Variants in CAST observed in about 807,000 individuals in gnomAD.
CAST encodes the protein calpastatin.
Under a neutral mutation model 119.6 loss-of-function variants are expected in CAST, and 76 were observed. The observed-to-expected ratio is 0.64, with a 90% CI of 0.53 to 0.77. The LOEUF (loss-of-function observed/expected upper bound fraction) is 0.77, where lower values mean the gene tolerates loss of function less well. Among genes scored for constraint, CAST ranks in the 30% least tolerant of loss-of-function variants. The probability of loss-of-function intolerance (pLI) is 0.00; values close to 1 mark genes in which losing one functional copy is unlikely to be tolerated. For synonymous variants in CAST, 319 were observed against 331.6 expected (o/e 0.96, Z 0.41); for missense variants, 953 against 946.5 (o/e 1.01, Z -0.09).
chr5:96,412,752 G>T, the CAST span, among the ~76,000 whole-genome samples: 469 of 71,806 alleles, frequency 6.5e-3, 12 homozygotes, highest in African/African-American at 0.034. Context: ...CAGCTGTGAT[G>T]TTTTTTTTTT....
chr5:96,436,930 G>C, the CAST span, among the ~76,000 whole-genome samples: 2 of 152,150 alleles, frequency 1.3e-5, no homozygotes, highest in African/African-American at 4.8e-5. Context: ...AACTCCTCCA[G>C]CAGATCCACA....
intron 1 of CAST, among the ~76,000 whole-genome samples, chr5:96,550,308 C>T (rs544106600): frequency 1.1e-4 from 17 of 152,356 alleles, no homozygotes; most frequent in Admixed American, 7.8e-4. Flanking sequence ...TGCAACAGAC[C>T]TGCAGCTGAG....
the CAST span, among the ~76,000 whole-genome samples, chr5:96,071,754 T>G: frequency 6.6e-6 from 1 of 152,154 alleles, no homozygotes; most frequent in Non-Finnish European, 1.5e-5. Flanking sequence ...TTAAAAAAAG[T>G]TTTAAAAAGC....
the CAST span, among the ~76,000 whole-genome samples, chr5:96,366,525 T>C: frequency 1.3e-5 from 2 of 152,220 alleles, no homozygotes; most frequent in Admixed American, 1.3e-4. Flanking sequence ...CTTTGTTCCT[T>C]TCTTTTTACT....
At chr5:96,267,301 G>A in the CAST span, among the ~76,000 whole-genome samples, 41 of 152,244 alleles carry the variant, frequency 2.7e-4, no homozygotes, top group Non-Finnish European at 5.1e-4. Context: ...TTGAGAAAGA[G>A]ATAAATATCC....
In CAST at chr5:96,741,295, C is replaced by G; in HGVS notation, c.948C>G (p.Asp316Glu). Residue 316 changes from aspartate to glutamate, a missense_variant, in exon 14 of 32, where the codon GAC (aspartate) becomes GAG (glutamate). Coordinates refer to ENST00000675179, the MANE Select transcript of CAST (RefSeq NM_001750.7). Reference sequence around the variant, plus strand: ...CCATAGGGCCAGATGATGCTATAGACGCCTTGTCATCTGACTTCACCTGTG... The same window carrying G: ...CCATAGGGCCAGATGATGCTATAGAGGCCTTGTCATCTGACTTCACCTGTG... ...SKPIGPDDAI[D>E]ALSSDFTCGS... 3 of 1,612,288 alleles carry G rather than the reference C, an allele frequency of 1.9e-6. No individual in the cohort carries two copies. The highest frequency in any genetic ancestry group is 2.5e-6 in the Non-Finnish European group (3 of 1,178,422).
At chr5:96,182,635 G>T in the CAST span, among the ~76,000 whole-genome samples, 543 of 152,266 alleles carry the variant, frequency 3.6e-3, 2 homozygotes, top group African/African-American at 0.013. Flanking sequence ...AAAGATTGAT[G>T]CAGAATTCCA....
chr5:96,719,759 C>A (rs1157815579), intron 3 of CAST, among the ~76,000 whole-genome samples: 3 of 152,138 alleles, frequency 2.0e-5, no homozygotes, highest in Non-Finnish European at 4.4e-5. Flanking sequence ...GCAGGACCAG[C>A]CAAGTGGCAG....
At chr5:96,010,265 T>C in the CAST span, among the ~76,000 whole-genome samples, 38 of 152,314 alleles carry the variant, frequency 2.5e-4, no homozygotes, top group Admixed American at 1.2e-3. Context: ...AGGATTGCTT[T>C]GGCTATTCAA....
chr5:96,424,222 C>T, the CAST span, among the ~76,000 whole-genome samples: 3 of 152,154 alleles, frequency 2.0e-5, no homozygotes, highest in Non-Finnish European at 2.9e-5. Context: ...TCAAAAGTGT[C>T]AGTGAAGGAG....
chr5:96,125,850 C>T, the CAST span, among the ~76,000 whole-genome samples: 4 of 152,046 alleles, frequency 2.6e-5, no homozygotes, highest in Admixed American at 1.3e-4. Context: ...TCCAAACCGG[C>T]AGTGGTGTGG....
chr5:96,548,605 A>C (rs1167233651), intron 1 of CAST, among the ~76,000 whole-genome samples: 1 of 152,084 alleles, frequency 6.6e-6, no homozygotes, highest in African/African-American at 2.4e-5. Context: ...TCCTCACTGA[A>C]ATCAGGAAAC....
chr5:96,341,321 C>T, the CAST span, among the ~76,000 whole-genome samples: 3 of 148,238 alleles, frequency 2.0e-5, no homozygotes, highest in South Asian at 2.2e-4. Context: ...CCTGCCCACT[C>T]CCATCCCCCC....
chr5:96,276,238 T>C, the CAST span, among the ~76,000 whole-genome samples: 2 of 152,180 alleles, frequency 1.3e-5, no homozygotes, highest in African/African-American at 4.8e-5. Context: ...AAGAATAATT[T>C]TGCAGAGTCA....
chr5:96,144,390 G>A, the CAST span, among the ~76,000 whole-genome samples: 1 of 152,140 alleles, frequency 6.6e-6, no homozygotes, highest in African/African-American at 2.4e-5. Context: ...TTTTTAAGGT[G>A]CTGAAAGCCT....
chr5:96,444,115 G>A, the CAST span, among the ~76,000 whole-genome samples: 1 of 152,198 alleles, frequency 6.6e-6, no homozygotes, highest in South Asian at 2.1e-4. Context: ...CAGGGATTGA[G>A]AGTCCACCCC....
At chr5:96,012,085 A>G in the CAST span, among the ~76,000 whole-genome samples, 2 of 152,172 alleles carry the variant, frequency 1.3e-5, no homozygotes, top group African/African-American at 4.8e-5. Context: ...CAAAATAATA[A>G]TGTAATATAC....
the CAST span, among the ~76,000 whole-genome samples, chr5:96,094,087 C>T: frequency 6.6e-6 from 1 of 152,196 alleles, no homozygotes; most frequent in Non-Finnish European, 1.5e-5. Context: ...CACCTACTGT[C>T]TGATTATTGA....
the CAST span, among the ~76,000 whole-genome samples, chr5:96,207,716 T>G: frequency 1.3e-5 from 2 of 152,100 alleles, no homozygotes; most frequent in Non-Finnish European, 2.9e-5. Flanking sequence ...TTGTTGAGGA[T>G]TTTTGCATCT....
Sources: gnomAD v4.1 joint callset for allele counts (sites outside exome capture counted in the v4.1 genomes callset) on GRCh38, gnomAD v4.1.1 for gene constraint, MANE v1.5 for transcripts, NCBI Gene and HGNC (gene_info 2026-07-23, HGNC 2026-07-21) for gene names.